The following MSI2 variants were observed in gnomAD, a reference collection of about 807,000 sequenced individuals.
The protein encoded by MSI2 is RNA-binding protein Musashi homolog 2.
MSI2 carries 17 observed loss-of-function variants against 45.6 expected under a neutral mutation model. That is an observed-to-expected ratio of 0.37 (90% CI 0.26 to 0.56). The LOEUF (loss-of-function observed/expected upper bound fraction) is 0.56, where lower values mean the gene tolerates loss of function less well. Among genes scored for constraint, MSI2 ranks in the 20% least tolerant of loss-of-function variants. The probability of loss-of-function intolerance (pLI) is 0.77; values close to 1 mark genes in which losing one functional copy is unlikely to be tolerated. For synonymous variants in MSI2, 156 were observed against 158.2 expected, an observed-to-expected ratio of 0.99 and a Z score of 0.11; for missense variants, 293 against 444.2, an observed-to-expected ratio of 0.66 and a Z score of 3.06.
At chr17:57,498,882 A>G (rs2086037134) in intron 6 of MSI2, among the ~76,000 whole-genome samples, 1 of 151,092 alleles carries the variant, frequency 6.6e-6, no homozygotes, top group African/African-American at 2.4e-5. Flanking sequence ...CTCGTCATTT[A>G]CATTAGGTAT....
At chr17:57,392,391 A>G (rs1377972869) in intron 5 of MSI2, among the ~76,000 whole-genome samples, 2 of 152,142 alleles carry the variant, frequency 1.3e-5, no homozygotes, top group Non-Finnish European at 2.9e-5. Flanking sequence ...CATCCTGATC[A>G]TTTCATTACA....
chr17:57,287,914 G>A (rs1267000370), intron 5 of MSI2, among the ~76,000 whole-genome samples: 1 of 152,200 alleles, frequency 6.6e-6, no homozygotes, highest in African/African-American at 2.4e-5. Context: ...CCTGGAGACA[G>A]CAGTAGTGGG....
intron 10 of MSI2, among the ~76,000 whole-genome samples, chr17:57,645,176 T>A (rs1010585118): frequency 2.0e-5 from 3 of 152,094 alleles, no homozygotes; most frequent in African/African-American, 4.8e-5. Context: ...GAGACCCGGC[T>A]CCCACCCGAT....
chr17:57,590,826 G>A (rs573357218), intron 7 of MSI2, among the ~76,000 whole-genome samples: 1 of 152,220 alleles, frequency 6.6e-6, no homozygotes, highest in African/African-American at 2.4e-5. Context: ...CCAAGTTCTG[G>A]CCCTTTGTTT....
At chr17:57,286,576 G>T (rs1567736272) in intron 5 of MSI2, among the ~76,000 whole-genome samples, 1 of 151,986 alleles carries the variant, frequency 6.6e-6, no homozygotes, top group East Asian at 1.9e-4. Context: ...GTTGGTAATT[G>T]TGCTTCTCGG....
At chr17:57,654,797 A>G (rs1204016355) in intron 11 of MSI2, among the ~76,000 whole-genome samples, 1 of 151,936 alleles carries the variant, frequency 6.6e-6, no homozygotes, top group East Asian at 1.9e-4. Context: ...GCAACTCCAA[A>G]CAGTAGAAAA....
At chr17:57,692,910 T>C in the MSI2 span, among the ~76,000 whole-genome samples, 1 of 151,932 alleles carries the variant, frequency 6.6e-6, no homozygotes, top group African/African-American at 2.4e-5. Flanking sequence ...TTTTTTTTTT[T>C]TTCTCTTTGT....
Position 57,652,182 on chromosome 17 carries a change from G to A in MSI2, c.790+21G>A. On this transcript the variant is annotated intron_variant, in intron 11 of 13. Transcript: ENST00000284073. This position sits in a 1 kb window ranked among gnomAD's most constrained non-coding sequence, Gnocchi z 4.1. ...ATCAGGTAGGAAGGTGTATGGGACA[G>A]GCGACTCCCAGGCATGCCCCCAGTG... 1 of 1,612,074 alleles carries A rather than the reference G, an allele frequency of 6.2e-7. No individual in the cohort carries two copies. Among genetic ancestry groups the A allele is most frequent in the Non-Finnish European group, 8.5e-7 (1 of 1,178,324 alleles).
intron 5 of MSI2, among the ~76,000 whole-genome samples, chr17:57,348,680 C>A (rs1030833484): frequency 2.6e-5 from 4 of 152,272 alleles, no homozygotes; most frequent in South Asian, 2.1e-4. Context: ...CAGATGTGGG[C>A]AACATGCTTG....
chr17:57,373,077 A>T (rs2083444277), intron 5 of MSI2, among the ~76,000 whole-genome samples: 1 of 152,006 alleles, frequency 6.6e-6, no homozygotes, highest in African/African-American at 2.4e-5. Flanking sequence ...AGTGGTAGAG[A>T]CATATCTGTC....
chr17:57,344,572 G>A (rs920579720), intron 5 of MSI2, among the ~76,000 whole-genome samples: 2 of 152,212 alleles, frequency 1.3e-5, no homozygotes, highest in East Asian at 1.9e-4. Flanking sequence ...TTACTAGAGC[G>A]TCTTTGCTCA....
chr17:57,411,305 CCGATTTT>C (rs1200069152), intron 6 of MSI2, among the ~76,000 whole-genome samples: 1 of 152,224 alleles, frequency 6.6e-6, no homozygotes, highest in Admixed American at 6.5e-5. Context: ...CCACACTCAG[CCGATTTT>C]TATTCTTTAA....
At chr17:57,415,777 T>G (rs1231614667) in intron 6 of MSI2, among the ~76,000 whole-genome samples, 1 of 152,130 alleles carries the variant, frequency 6.6e-6, no homozygotes, top group Non-Finnish European at 1.5e-5. Context: ...GGACGGTTTT[T>G]GGACCAGTTT....
At chr17:57,678,748 A>G (rs563400610) in intron 13 of MSI2, among the ~76,000 whole-genome samples, 5 of 152,350 alleles carry the variant, frequency 3.3e-5, no homozygotes, top group East Asian at 3.9e-4. Context: ...CTCAATTTCC[A>G]GAGAAGGATG....
intron 6 of MSI2, among the ~76,000 whole-genome samples, chr17:57,467,219 T>A (rs1332976310): frequency 6.6e-6 from 1 of 152,146 alleles, no homozygotes; most frequent in Non-Finnish European, 1.5e-5. Flanking sequence ...AACTGTCAGG[T>A]GGGTATGCAT....
intron 6 of MSI2, among the ~76,000 whole-genome samples, chr17:57,406,578 GC>G (rs1214851734): frequency 3.9e-5 from 6 of 152,200 alleles, no homozygotes; most frequent in African/African-American, 1.4e-4. Context: ...AAGCAAAGCA[GC>G]CCGCATTTGG....
intron 7 of MSI2, among the ~76,000 whole-genome samples, chr17:57,595,415 G>T (rs1401546894): frequency 6.6e-6 from 1 of 151,966 alleles, no homozygotes; most frequent in Non-Finnish European, 1.5e-5. Context: ...GAGTGTCTTA[G>T]CTGGGGCGGC....
At chr17:57,256,941 C>G (rs1906797580) in intron 1 of MSI2, 137 bp downstream of exon 1, 1 of 948,156 alleles carries the variant, frequency 1.1e-6, no homozygotes, top group Non-Finnish European at 1.5e-6. Flanking sequence ...AAGTTACACA[C>G]CTTTGGATTG....
chr17:57,688,426 A>G (rs899920847), downstream of MSI2, among the ~76,000 whole-genome samples: 1 of 152,146 alleles, frequency 6.6e-6, no homozygotes, highest in African/African-American at 2.4e-5. Flanking sequence ...GATAAACTTT[A>G]TAAGAGAGGT....
Sources: gnomAD v4.1 joint callset for allele counts (sites outside exome capture counted in the v4.1 genomes callset) on GRCh38, gnomAD v4.1.1 for gene constraint, Gnocchi (gnomAD v3.1) non-coding constraint, MANE v1.5 for transcripts, NCBI Gene and HGNC (gene_info 2026-07-23, HGNC 2026-07-21) for gene names.